Variants in ERMP1 observed in about 807,000 individuals in gnomAD.
The protein encoded by ERMP1 is Felix-ina.
In ERMP1, 86 loss-of-function variants were observed where a neutral mutation model predicts 92.0. The ratio of observed to expected loss-of-function variants is 0.93; its 90% CI spans 0.79 to 1.12. ERMP1 has a LOEUF of 1.12. Among genes scored for constraint, ERMP1 ranks in the 50% most tolerant of loss-of-function variants. The pLI is 0.00. For synonymous variants in ERMP1, 530 were observed against 412.8 expected (o/e 1.28, Z -3.44); for missense variants, 1,342 against 1,116.3 (o/e 1.20, Z -2.88).
chr9:5,845,720 T>A (rs1830226527), intron 6 of ERMP1, among the ~76,000 whole-genome samples: 1 of 152,204 alleles, frequency 6.6e-6, no homozygotes. Flanking sequence ...GGGTGCCCTC[T>A]TAGAGCAGAC....
intron 13 of ERMP1, among the ~76,000 whole-genome samples, chr9:5,789,341 A>G: frequency 6.6e-6 from 1 of 152,254 alleles, no homozygotes; most frequent in Non-Finnish European, 1.5e-5. Flanking sequence ...TATATAAAAC[A>G]AGGCAACAAT....
At chr9:5,849,989 G>C (rs1313782679) in intron 6 of ERMP1, among the ~76,000 whole-genome samples, 1 of 152,148 alleles carries the variant, frequency 6.6e-6, no homozygotes, top group East Asian at 1.9e-4. Context: ...TTCAATCGTG[G>C]CCTTGCAGTG....
chr9:5,832,717 C>A lies in ERMP1; in HGVS notation c.311G>T (p.Arg104Leu). Residue 104 changes from arginine to leucine, a missense_variant, in exon 1 of 15, where the codon CGC (arginine) becomes CTC (leucine). Arg to Leu is a moderately radical substitution (Grantham distance 102). Coordinates refer to ENST00000339450, the MANE Select transcript of ERMP1 (RefSeq NM_024896.3). ...GGCTTGGAGCGCGTCGAACTCCCCGCGGTGTCCAGCGGCCCCGCGTAGCAC... is the reference window on the plus strand; with the variant it reads ...GGCTTGGAGCGCGTCGAACTCCCCGAGGTGTCCAGCGGCCCCGCGTAGCAC... ...QLVLRGAAGH[R>L]GEFDALQARD... 1 of 1,487,656 alleles carries A rather than the reference C, an allele frequency of 6.7e-7. No homozygotes were observed. Among genetic ancestry groups the A allele is most frequent in the Non-Finnish European group, 8.9e-7 (1 of 1,127,066 alleles). The allele number at this position is 1,487,656 out of a possible 1,614,324, so 92.2% of individuals were successfully genotyped here.
upstream of ERMP1, among the ~76,000 whole-genome samples, chr9:5,836,474 C>G (rs1243269311): frequency 2.0e-5 from 3 of 152,288 alleles, no homozygotes; most frequent in South Asian, 4.1e-4. Context: ...CAGAGCAAGT[C>G]AAAACCAAGT....
chr9:5,789,156 A>G (rs1828065825), intron 13 of ERMP1, among the ~76,000 whole-genome samples: 1 of 152,180 alleles, frequency 6.6e-6, no homozygotes, highest in African/African-American at 2.4e-5. Context: ...GAATCTACAC[A>G]TTGAAAGAGA....
intron 13 of ERMP1, among the ~76,000 whole-genome samples, chr9:5,792,345 A>G (rs781203984): frequency 3.9e-5 from 6 of 152,226 alleles, no homozygotes; most frequent in Admixed American, 1.3e-4. Flanking sequence ...GAAGTTTTAC[A>G]GGCCAAAACA....
intron 6 of ERMP1, among the ~76,000 whole-genome samples, chr9:5,846,690 G>C (rs1157445156): frequency 6.6e-6 from 1 of 152,156 alleles, no homozygotes; most frequent in Non-Finnish European, 1.5e-5. Flanking sequence ...ATGCTTCAAA[G>C]CCTTTGCAAC....
chr9:5,812,174 G>A lies in ERMP1; in HGVS notation c.1065C>T (p.Thr355=). ...AFIENGYIYH[T]KYDTADRILT... ...GAATTCTGTCCGCTGTGTCATACTT[G>A]GTGTGATAAATGTATCCATTCTCAA... Residue 355 remains threonine, a synonymous_variant, in exon 6 of 15, where the codon ACC becomes ACT. Coordinates refer to ENST00000339450, the MANE Select transcript of ERMP1 (RefSeq NM_024896.3). The A allele has an allele frequency of 6.2e-7, 1 of 1,609,994 alleles. No individual in the cohort carries two copies. Among genetic ancestry groups the A allele is most frequent in the Non-Finnish European group, 8.5e-7 (1 of 1,177,796 alleles).
At chr9:5,861,047 A>T (rs186579365) in intron 5 of ERMP1, among the ~76,000 whole-genome samples, 1 of 152,190 alleles carries the variant, frequency 6.6e-6, no homozygotes, top group African/African-American at 2.4e-5. Context: ...GTAATTTCCC[A>T]GTCTGTGGTA....
At chr9:5,850,427 A>AAAAAAAAAAAAAAG (rs142972934) in intron 6 of ERMP1, among the ~76,000 whole-genome samples, 1 of 144,540 alleles carries the variant, frequency 6.9e-6, no homozygotes, top group African/African-American at 2.5e-5. Flanking sequence ...AAAAAAAAAA[A>AAAAAAAAAAAAAAG]AAGAAGAAGA....
Position 5,830,994 on chromosome 9 carries a change from T to C in ERMP1, c.373A>G (p.Arg125Gly). The C allele has an allele frequency of 1.2e-6, 2 of 1,613,990 alleles. No individual in the cohort carries two copies. Among genetic ancestry groups the C allele is most frequent in the Non-Finnish European group, 8.5e-7 (1 of 1,179,856 alleles). The change falls in exon 2 of 15, where the codon AGG becomes GGG. Residue 125 changes from arginine to glycine, a missense_variant. Arg to Gly is a moderately radical substitution (Grantham distance 125, BLOSUM62 -2). Transcript: ENST00000339450. Reference protein sequence around the residue: ...YLEHITSIGPRTTGSPENEIL... With the variant: ...YLEHITSIGPGTTGSPENEIL... ...TCATTTTCTGGACTTCCTGTAGTCC[T>C]GGGGCCAATGGAGGTTATGTGTTCA...
intron 6 of ERMP1, among the ~76,000 whole-genome samples, chr9:5,849,721 T>G (rs2129753638): frequency 6.6e-6 from 1 of 152,370 alleles, no homozygotes; most frequent in Non-Finnish European, 1.5e-5. Context: ...ACATGTGTTA[T>G]TAAAATAAAT....
chr9:5,801,901 C>T (rs749257866), intron 10 of ERMP1, among the ~76,000 whole-genome samples: 1 of 152,158 alleles, frequency 6.6e-6, no homozygotes, highest in African/African-American at 2.4e-5. Context: ...AACAATAAAT[C>T]TAGGCAGTAA....
intron 4 of ERMP1, among the ~76,000 whole-genome samples, chr9:5,815,745 T>A (rs893364453): frequency 2.6e-5 from 4 of 151,980 alleles, no homozygotes; most frequent in Admixed American, 1.3e-4. Flanking sequence ...AAAGAAATAG[T>A]AGAAAAACCT....
chr9:5,788,529 A>G (rs1828034373), intron 13 of ERMP1, among the ~76,000 whole-genome samples: 2 of 152,208 alleles, frequency 1.3e-5, no homozygotes, highest in African/African-American at 4.8e-5. Context: ...AAAGAGATAA[A>G]TATTATTCAT....
intron 10 of ERMP1, 34 bp downstream of exon 10, chr9:5,804,993 A>G: frequency 6.6e-7 from 1 of 1,509,882 alleles, no homozygotes; most frequent in Non-Finnish European, 9.0e-7. Context: ...CATATAAAAA[A>G]TGAAGAAAAA....
intron 2 of ERMP1, among the ~76,000 whole-genome samples, chr9:5,826,399 G>C (rs141827271): frequency 6.6e-6 from 1 of 152,328 alleles, no homozygotes; most frequent in East Asian, 1.9e-4. Context: ...TTTCCTGGTT[G>C]AAAGAGCAAG....
chr9:5,794,612 T>C (rs1039915134), intron 13 of ERMP1, among the ~76,000 whole-genome samples: 2 of 152,140 alleles, frequency 1.3e-5, no homozygotes, highest in African/African-American at 4.8e-5. Flanking sequence ...AGGAATATTA[T>C]AGACAAATTA....
chr9:5,810,307 T>G, intron 7 of ERMP1, 76 bp from the exon 8 acceptor site: 2 of 1,064,570 alleles, frequency 1.9e-6, no homozygotes, highest in African/African-American at 1.6e-5. Flanking sequence ...TAGAGCTAAA[T>G]GGGCAAACAT....
Sources: allele counts gnomAD v4.1 joint callset (sites outside exome capture counted in the v4.1 genomes callset), GRCh38; gene constraint gnomAD v4.1.1; transcripts MANE v1.5; gene names NCBI Gene and HGNC (gene_info 2026-07-23, HGNC 2026-07-21).